TMPRSS7: variants seen among roughly 807,000 people sequenced by gnomAD.
TMPRSS7 encodes the protein transmembrane serine protease 7.
In TMPRSS7, 81 loss-of-function variants were observed where a neutral mutation model predicts 95.6. The ratio of observed to expected loss-of-function variants is 0.85; its 90% CI spans 0.71 to 1.02. The LOEUF is 1.02. Among genes scored for constraint, TMPRSS7 ranks in the 50% least tolerant of loss-of-function variants. TMPRSS7 has a pLI of 0.00. For synonymous variants in TMPRSS7, 364 were observed against 337.8 expected, an observed-to-expected ratio of 1.08 and a Z score of -0.85; for missense variants, 945 against 955.2, an observed-to-expected ratio of 0.99 and a Z score of 0.14.
At chr3:112,038,371 C>A (rs1175938932) in intron 2 of TMPRSS7, 50 bp downstream of exon 2, 5 of 673,344 alleles carry the variant, frequency 7.4e-6, no homozygotes, top group South Asian at 1.6e-5. Context: ...TGGTATGAGT[C>A]CAGCATTAGC....
chr3:112,051,563 C>G (rs201719136), intron 9 of TMPRSS7, among the ~76,000 whole-genome samples: 4 of 133,678 alleles, frequency 3.0e-5, no homozygotes, highest in East Asian at 2.2e-4. Context: ...ATCTATCTAT[C>G]TATGTATCTA....
In TMPRSS7 at chr3:112,078,759, G is replaced by A. The variant is rs199957122; in HGVS notation, c.2242G>A (p.Val748Ile). The A allele has an allele frequency of 1.4e-4, 233 of 1,614,020 alleles. No individual in the cohort carries two copies. The highest frequency in any genetic ancestry group is 1.9e-4 in the Non-Finnish European group (221 of 1,180,026). The change falls in exon 17 of 18, where the codon GTT (valine) becomes ATT (isoleucine). Residue 748 changes from valine (V) to isoleucine (I), a missense_variant. Val to Ile is a conservative substitution (Grantham distance 29). Coordinates refer to ENST00000452346, the Ensembl canonical transcript of TMPRSS7. ...TTTTGCAGATAATAAAGGCTCCCTC[G>A]TTCTGCAGCAAGCGGAGGTAGAGCT...
At position 112,066,202 on chromosome 3, in the gene TMPRSS7, C is replaced by T. The variant is rs111401430; in HGVS notation, c.1556-190C>T. Among the ~76,000 whole-genome samples the T allele has an allele frequency of 3.6e-3, 555 of 152,274 alleles. 4 individuals are homozygous for T. Among genetic ancestry groups the T allele is most frequent in the African/African-American group, 0.012 (513 of 41,554 alleles). On this transcript the variant is annotated intron_variant, in intron 12 of 17. Transcript: ENST00000452346. ...AAAGCAAAAATCAGATCTGACAAAA[C>T]GTGCTAGAAATCACACCAAAGTTTA...
intron 6 of TMPRSS7, 54 bp from the exon 7 acceptor site, chr3:112,047,684 TA>T: frequency 7.4e-7 from 1 of 1,348,162 alleles, no homozygotes. Context: ...TCTGTTTTTA[TA>T]AAAGTCATTC....
chr3:112,062,595 T>A (rs1230622426), intron 11 of TMPRSS7, among the ~76,000 whole-genome samples: 3 of 152,214 alleles, frequency 2.0e-5, no homozygotes, highest in Admixed American at 6.5e-5. Context: ...TTAGACCATG[T>A]CCTTCTTTGC....
chr3:112,081,247 A>G, downstream of TMPRSS7: 2 of 369,716 alleles, frequency 5.4e-6, no homozygotes, highest in Non-Finnish European at 9.3e-6. Flanking sequence ...CCTGGCTAAC[A>G]TGGTGAAACC....
intron 5 of TMPRSS7, 138 bp from the exon 6 acceptor site, chr3:112,046,836 C>A: frequency 3.1e-6 from 2 of 636,168 alleles, no homozygotes; most frequent in Non-Finnish European, 5.6e-6. Flanking sequence ...ACCTCATCCT[C>A]ACTGGATTAT....
At chr3:112,037,980 C>T (rs2073164409) in intron 1 of TMPRSS7, 92 bp from the exon 2 acceptor site, 1 of 637,492 alleles carries the variant, frequency 1.6e-6, no homozygotes, top group Non-Finnish European at 2.8e-6. Context: ...CATATTTAGG[C>T]CTTTTAGTAC....
chr3:112,061,571 C>T lies in TMPRSS7; in HGVS notation c.1311-216C>T, dbSNP rs114324071. Among the ~76,000 whole-genome samples, 339 of 152,238 alleles carry T rather than the reference C, an allele frequency of 2.2e-3. 2 individuals carry two copies. Among genetic ancestry groups the T allele is most frequent in the African/African-American group, 7.8e-3 (325 of 41,544 alleles). ...TGAGGAAAGCAACAGGTCAATGGTA[C>T]TATTATTGTTCCATTAAGCAGAGGA... is the stretch of plus-strand genomic sequence containing the variant. On this transcript the variant is annotated intron_variant, in intron 10 of 17. Transcript: ENST00000452346.
chr3:112,064,824 A>G lies in TMPRSS7; in HGVS notation c.1555+1192A>G, dbSNP rs951956651. Among the ~76,000 whole-genome samples, 88 of 152,214 alleles carry G rather than the reference A, an allele frequency of 5.8e-4. 1 individual carries two copies. The highest frequency in any genetic ancestry group is 2.1e-3 in the African/African-American group (88 of 41,538). On this transcript the variant is annotated intron_variant, in intron 12 of 17. Transcript: ENST00000452346. ...CTATTTGTACCTCATTCTTGAATCT[A>G]TCTCTAGTTTCAGGGAGCAATATGG...
Position 112,042,053 on chromosome 3 carries a change from G to A in TMPRSS7, c.429+3G>A. On this transcript the variant is annotated splice_donor_region_variant and intron_variant, in intron 3 of 17. Transcript: ENST00000452346. The stretch of plus-strand genomic sequence containing the variant: ...TGTCACGGACTGTGCAGCAAGTGGT[G>A]AGGCGATGGAGGTAGAGGGTATTAG... 6.4e-7 allele frequency: 1 copy of A among 1,551,306 alleles called. No homozygotes were observed. Among genetic ancestry groups the A allele is most frequent in the Non-Finnish European group, 8.7e-7 (1 of 1,146,698 alleles).
At chr3:112,065,881 T>G (rs191790240) in intron 12 of TMPRSS7, among the ~76,000 whole-genome samples, 22 of 152,332 alleles carry the variant, frequency 1.4e-4, no homozygotes, top group African/African-American at 5.1e-4. Context: ...GACAAAATAA[T>G]TCCAAAGAGA....
At chr3:112,056,079 A>G (rs146584025) in intron 9 of TMPRSS7, among the ~76,000 whole-genome samples, 2 of 152,324 alleles carry the variant, frequency 1.3e-5, no homozygotes, top group African/African-American at 4.8e-5. Context: ...GAAGTGGGCA[A>G]TGCTTAAATA....
chr3:112,053,952 T>C (rs1450146317), intron 9 of TMPRSS7, among the ~76,000 whole-genome samples: 1 of 152,234 alleles, frequency 6.6e-6, no homozygotes, highest in African/African-American at 2.4e-5. Flanking sequence ...CTTTGAATTG[T>C]TTTATCACAA....
At chr3:112,036,405 C>T (rs561654116) in intron 1 of TMPRSS7, among the ~76,000 whole-genome samples, 1 of 152,204 alleles carries the variant, frequency 6.6e-6, no homozygotes, top group South Asian at 2.1e-4. Flanking sequence ...CGCATCTCTA[C>T]TACAAATACA....
chr3:112,047,962 G>T (rs748036744), exon 7 of TMPRSS7: 3 of 1,612,436 alleles, frequency 1.9e-6, no homozygotes, highest in African/African-American at 2.7e-5. Context: ...GCAGCATCTT[G>T]TACAGGTACG....
At chr3:112,077,040 C>T (rs200622876) in exon 16 of TMPRSS7, 28 of 1,614,044 alleles carry the variant, frequency 1.7e-5, no homozygotes, top group Non-Finnish European at 2.4e-5. Flanking sequence ...TGGCCTGAGA[C>T]CCTGAAACAG....
intron 8 of TMPRSS7, 34 bp from the exon 9 acceptor site, chr3:112,050,637 C>A (rs771460411): frequency 1.6e-6 from 2 of 1,245,430 alleles, no homozygotes; most frequent in East Asian, 2.5e-5. Context: ...CTCACAGCTG[C>A]AAATCATTGT....
rs553279819 is a variant in TMPRSS7, at chr3:112,076,612, G to A, written c.1956-264G>A. On this transcript the variant is annotated intron_variant, in intron 15 of 17. Transcript: ENST00000452346. ...ATACTAGTGGAAAGAAAATGTCCAG[G>A]CATTTGCTTAGGACACTGTTGAGTG... Among the ~76,000 whole-genome samples, 5 of 152,230 alleles carry A rather than the reference G, an allele frequency of 3.3e-5. No individual in the cohort carries two copies. The South Asian group carries it at 1.0e-3, about 32-fold the overall frequency.
Sources: gnomAD v4.1 joint callset for allele counts (sites outside exome capture counted in the v4.1 genomes callset) on GRCh38, gnomAD v4.1.1 for gene constraint, MANE v1.5 for transcripts, NCBI Gene and HGNC (gene_info 2026-07-23, HGNC 2026-07-21) for gene names.